The following CACNA1E variants were observed in gnomAD, a reference collection of about 807,000 sequenced individuals.
CACNA1E encodes the protein calcium voltage-gated channel subunit alpha1 E.
In CACNA1E, 40 loss-of-function variants were observed where a neutral mutation model predicts 259.2. That is an observed-to-expected ratio of 0.15 (90% CI 0.12 to 0.20). The LOEUF is 0.20. CACNA1E is among the 10% of genes least tolerant of loss of function. The pLI, the probability that CACNA1E is intolerant of heterozygous loss-of-function variation, is 1.00. For synonymous variants in CACNA1E, 1,104 were observed against 1,138.5 expected, an observed-to-expected ratio of 0.97 and a Z score of 0.61; for missense variants, 1,874 against 3,040.1, an observed-to-expected ratio of 0.62 and a Z score of 9.02.
intron 35 of CACNA1E, among the ~76,000 whole-genome samples, chr1:181,767,883 A>AATT (rs1659162804): frequency 6.6e-6 from 1 of 152,206 alleles, no homozygotes; most frequent in Admixed American, 6.5e-5. Context: ...TTGATTCTGG[A>AATT]ATTAAAATAT....
At chr1:181,397,795 C>A (rs1656799248) in intron 1 of CACNA1E, among the ~76,000 whole-genome samples, 1 of 152,186 alleles carries the variant, frequency 6.6e-6, no homozygotes, top group South Asian at 2.1e-4. Flanking sequence ...CCACATGTAG[C>A]CCTTACCCTT....
At chr1:181,386,936 C>G (rs1334190463) in intron 1 of CACNA1E, among the ~76,000 whole-genome samples, 1 of 152,194 alleles carries the variant, frequency 6.6e-6, no homozygotes, top group East Asian at 1.9e-4. Context: ...TTTGTTTTTG[C>G]CTCATCGCAG....
chr1:181,644,830 A>G (rs137926117), intron 6 of CACNA1E, among the ~76,000 whole-genome samples: 8 of 152,320 alleles, frequency 5.3e-5, no homozygotes, highest in Non-Finnish European at 8.8e-5. Context: ...ACCCAGTGGC[A>G]AAAGGGCCGG....
chr1:181,511,921 C>A (rs900111843), intron 3 of CACNA1E, among the ~76,000 whole-genome samples: 1 of 152,224 alleles, frequency 6.6e-6, no homozygotes, highest in African/African-American at 2.4e-5. Flanking sequence ...TCAAATGCAG[C>A]TTCTTTTGGG....
chr1:181,461,854 A>T (rs1020351626), intron 2 of CACNA1E, among the ~76,000 whole-genome samples: 8 of 152,140 alleles, frequency 5.3e-5, no homozygotes, highest in Non-Finnish European at 1.2e-4. Context: ...AATGAAAATT[A>T]TCCGTAATGC....
In CACNA1E at chr1:181,645,526, G is replaced by C. The variant is rs565015860; in HGVS notation, c.952-5812G>C. Among the ~76,000 whole-genome samples, 10 of 152,034 alleles carry C rather than the reference G, an allele frequency of 6.6e-5. No individual in the cohort carries two copies. In the South Asian group the frequency reaches 2.1e-3, roughly 32 times the overall value. ...TACCTCCATAATTAATCTTTTCACTGCCTTTCTGGCTTCTGCTGTCTCAGC... is the reference window on the plus strand; with the variant it reads ...TACCTCCATAATTAATCTTTTCACTCCCTTTCTGGCTTCTGCTGTCTCAGC... On this transcript the variant is annotated intron_variant, in intron 6 of 47. Coordinates refer to ENST00000367573, the MANE Select transcript of CACNA1E (RefSeq NM_001205293.3).
At chr1:181,433,400 T>C (rs1440198629) in intron 2 of CACNA1E, among the ~76,000 whole-genome samples, 5 of 152,226 alleles carry the variant, frequency 3.3e-5, no homozygotes, top group Admixed American at 6.5e-5. Context: ...GTAACCCATT[T>C]GCAGCCTCCC....
chr1:181,733,500 C>A lies in CACNA1E; in HGVS notation c.3012C>A (p.Thr1004=), dbSNP rs377234151. The A allele has an allele frequency of 4.5e-5, 72 of 1,592,360 alleles. No individual in the cohort carries two copies. The African/African-American group carries it at 9.5e-4, about 21-fold the overall frequency. Residue 1004 remains threonine, a synonymous_variant, in exon 21 of 48, where the codon ACC becomes ACA. Coordinates refer to ENST00000367573, the MANE Select transcript of CACNA1E (RefSeq NM_001205293.3). ...GLAGGLDEAD[T]PLVLPHPELE... is the part of the protein sequence containing the mutation. ...CAGGAGGCCTTGATGAGGCTGACACCCCCCTAGTCCTGCCCCATCCTGAGC... is the reference window on the plus strand; with the variant it reads ...CAGGAGGCCTTGATGAGGCTGACACACCCCTAGTCCTGCCCCATCCTGAGC...
intron 24 of CACNA1E, 60 bp downstream of exon 24, chr1:181,738,486 T>C: frequency 1.5e-6 from 2 of 1,347,588 alleles, no homozygotes; most frequent in South Asian, 2.3e-5. Flanking sequence ...TGTCTGCTCC[T>C]TAGGCTAGAG....
At chr1:181,720,721 G>A in intron 14 of CACNA1E, 62 bp from the exon 15 acceptor site, 1 of 939,634 alleles carries the variant, frequency 1.1e-6, no homozygotes, top group Non-Finnish European at 1.7e-6. Context: ...GTGATCTTGG[G>A]GAATGGAAAA....
intron 6 of CACNA1E, among the ~76,000 whole-genome samples, chr1:181,599,693 A>T (rs927349785): frequency 6.6e-6 from 1 of 152,210 alleles, no homozygotes; most frequent in Non-Finnish European, 1.5e-5. Flanking sequence ...GGTGCTTAGT[A>T]AAAAATCTGG....
At chr1:181,494,226 G>A (rs573280022) in intron 1 of CACNA1E, among the ~76,000 whole-genome samples, 3 of 152,106 alleles carry the variant, frequency 2.0e-5, no homozygotes, top group African/African-American at 7.2e-5. Flanking sequence ...AGGGAGGGGG[G>A]ACGTTATCTA....
chr1:181,510,500 C>T lies in CACNA1E; in HGVS notation c.290C>T (p.Ala97Val), dbSNP rs372638168. 1.9e-6 allele frequency: 3 copies of T among 1,613,594 alleles called. No homozygotes were observed. The highest frequency in any genetic ancestry group is 2.5e-6 in the Non-Finnish European group (3 of 1,179,614). ...DWPPFEYMIL[A>V]TIIANCIVLA... ...ACGCCATTTGAGTACATGATCCTGG[C>T]CACCATCATTGCCAACTGCATCGTC... is the stretch of plus-strand genomic sequence containing the variant. The change falls in exon 2 of 48, where the codon GCC becomes GTC. Residue 97 changes from alanine to valine, a missense_variant. Physicochemically the swap from Ala to Val is moderately conservative, Grantham distance 64. Around this residue, in one of 14 missense-constraint regions of CACNA1E, gnomAD observed 55 missense variants for 156.5 expected, o/e 0.35. Coordinates refer to ENST00000367573, the MANE Select transcript of CACNA1E (RefSeq NM_001205293.3).
chr1:181,674,073 T>G (rs1649096144), intron 7 of CACNA1E, among the ~76,000 whole-genome samples: 1 of 151,884 alleles, frequency 6.6e-6, no homozygotes, highest in Non-Finnish European at 1.5e-5. Flanking sequence ...CTACCAATGA[T>G]AAATGATAGA....
chr1:181,606,962 A>G (rs377730847), intron 6 of CACNA1E, among the ~76,000 whole-genome samples: 4 of 151,920 alleles, frequency 2.6e-5, no homozygotes, highest in African/African-American at 9.7e-5. Context: ...CAGAAATCAC[A>G]CTCATGACCC....
At chr1:181,665,588 T>C (rs1042860817) in intron 7 of CACNA1E, among the ~76,000 whole-genome samples, 3 of 152,142 alleles carry the variant, frequency 2.0e-5, no homozygotes, top group African/African-American at 7.2e-5. Context: ...TATTACAAAG[T>C]AGCTTGAAGA....
rs556275434 is a variant in CACNA1E, at chr1:181,636,655, G to A, written c.952-14683G>A. Among the ~76,000 whole-genome samples the A allele has an allele frequency of 7.2e-4, 109 of 152,252 alleles. 1 individual carries two copies. In the Middle Eastern group the frequency reaches 0.014, roughly 19 times the overall value. ...TGTCGGAGAATCAGTGCACCCCAAT[G>A]GAATATAAGAAAGGCCCTGATGGAT... is the stretch of plus-strand genomic sequence containing the variant. On this transcript the variant is annotated intron_variant, in intron 6 of 47. Coordinates refer to ENST00000367573, the MANE Select transcript of CACNA1E (RefSeq NM_001205293.3).
intron 6 of CACNA1E, among the ~76,000 whole-genome samples, chr1:181,582,989 T>C (rs1651691189): frequency 6.6e-6 from 1 of 152,088 alleles, no homozygotes; most frequent in South Asian, 2.1e-4. Context: ...GTCATTGAAC[T>C]TGAGTTTACT....
chr1:181,597,685 T>G (rs1023838407), intron 6 of CACNA1E, among the ~76,000 whole-genome samples: 1 of 152,112 alleles, frequency 6.6e-6, no homozygotes, highest in Non-Finnish European at 1.5e-5. Flanking sequence ...GACTGGGCAA[T>G]TTACAAATGG....
Sources: gnomAD v4.1 joint callset for allele counts (sites outside exome capture counted in the v4.1 genomes callset) on GRCh38, gnomAD v4.1.1 for gene constraint, gnomAD v4.1.1 regional missense constraint, MANE v1.5 for transcripts, NCBI Gene and HGNC (gene_info 2026-07-23, HGNC 2026-07-21) for gene names.